Variants in AGMO observed in about 807,000 individuals in gnomAD.
AGMO encodes the protein glyceryl-ether monooxygenase.
Under a neutral mutation model 60.2 loss-of-function variants are expected in AGMO, and 75 were observed. The ratio of observed to expected loss-of-function variants is 1.25; its 90% CI spans 1.03 to 1.51. AGMO has a LOEUF of 1.51. AGMO is among the 40% of genes most tolerant of loss of function. The pLI is 0.00. For synonymous variants in AGMO, 261 were observed against 177.1 expected (o/e 1.47, Z -3.76); for missense variants, 763 against 525.5 (o/e 1.45, Z -4.42).
chr7:15,299,887 A>ACACT (rs1170360550), intron 12 of AGMO, among the ~76,000 whole-genome samples: 42 of 97,370 alleles, frequency 4.3e-4, no homozygotes, highest in African/African-American at 1.4e-3. Context: ...ACACACACAC[A>ACACT]GTATGTTTTG....
chr7:15,150,251 A>G, the AGMO span, among the ~76,000 whole-genome samples: 2 of 152,070 alleles, frequency 1.3e-5, no homozygotes, highest in Non-Finnish European at 2.9e-5. Context: ...ATCTGTGAAG[A>G]GAGATAGTTT....
intron 4 of AGMO, among the ~76,000 whole-genome samples, chr7:15,428,280 T>A (rs1480411347): frequency 6.6e-6 from 1 of 152,110 alleles, no homozygotes; most frequent in Non-Finnish European, 1.5e-5. Flanking sequence ...CCAAGGGACC[T>A]AGAAATGCTA....
At chr7:15,353,614 A>T (rs1782341601) in intron 12 of AGMO, among the ~76,000 whole-genome samples, 1 of 152,188 alleles carries the variant, frequency 6.6e-6, no homozygotes, top group Admixed American at 6.5e-5. Flanking sequence ...TGGACGTGAA[A>T]TTTTTCCGAA....
chr7:15,476,150 G>A lies in AGMO; in HGVS notation c.410-45042C>T, dbSNP rs535778038. ...GAGAATATATTTTGAAGTAGAAATCGAATTTCACTTCAGGAATGGAAGATG... is the reference window on the plus strand; with the variant it reads ...GAGAATATATTTTGAAGTAGAAATCAAATTTCACTTCAGGAATGGAAGATG... On this transcript the variant is annotated intron_variant, in intron 3 of 12. Transcript: ENST00000342526. Among the ~76,000 whole-genome samples, 64 of 152,114 alleles carry A rather than the reference G, an allele frequency of 4.2e-4. 2 individuals are homozygous for A. The South Asian group carries it at 0.013, about 32-fold the overall frequency.
chr7:15,435,875 T>C (rs1013412415), intron 3 of AGMO, among the ~76,000 whole-genome samples: 2 of 152,184 alleles, frequency 1.3e-5, no homozygotes, highest in Non-Finnish European at 2.9e-5. Context: ...TTAAAATATG[T>C]TCTCTCCTAT....
At chr7:15,544,673 T>C in intron 3 of AGMO, 99 bp downstream of exon 3, 4 of 1,014,156 alleles carry the variant, frequency 3.9e-6, no homozygotes, top group Non-Finnish European at 5.3e-6. Flanking sequence ...TACTATTTTA[T>C]TCCTGTATTT....
intron 12 of AGMO, among the ~76,000 whole-genome samples, chr7:15,334,522 TC>T (rs1217575302): frequency 6.6e-6 from 1 of 152,140 alleles, no homozygotes; most frequent in African/African-American, 2.4e-5. Flanking sequence ...GTAGATTATT[TC>T]TTCATCAGAA....
intron 3 of AGMO, among the ~76,000 whole-genome samples, chr7:15,532,868 A>T (rs1435085648): frequency 2.6e-5 from 4 of 152,060 alleles, no homozygotes; most frequent in Non-Finnish European, 5.9e-5. Context: ...GCATGTGCCT[A>T]CAGACACAGC....
chr7:15,515,615 T>A (rs1783788837), intron 3 of AGMO, among the ~76,000 whole-genome samples: 1 of 152,248 alleles, frequency 6.6e-6, no homozygotes. Flanking sequence ...GCAATATCTG[T>A]CTCCAACTAG....
intron 4 of AGMO, among the ~76,000 whole-genome samples, chr7:15,427,473 G>A (rs1203146781): frequency 2.0e-5 from 3 of 152,082 alleles, no homozygotes; most frequent in Non-Finnish European, 4.4e-5. Flanking sequence ...CACTAGTTGG[G>A]ATTTTGTATG....
chr7:15,226,906 T>G (rs1156789543), intron 12 of AGMO, among the ~76,000 whole-genome samples: 1 of 151,982 alleles, frequency 6.6e-6, no homozygotes, highest in East Asian at 1.9e-4. Context: ...AAGAAATGTA[T>G]CTCTCAAAGT....
At chr7:15,282,555 A>T (rs1050148977) in intron 12 of AGMO, among the ~76,000 whole-genome samples, 1 of 152,172 alleles carries the variant, frequency 6.6e-6, no homozygotes, top group Non-Finnish European at 1.5e-5. Context: ...AGAAATGAGC[A>T]ATGTCTCCAA....
At chr7:15,327,987 G>A (rs1456262817) in intron 12 of AGMO, among the ~76,000 whole-genome samples, 1 of 151,894 alleles carries the variant, frequency 6.6e-6, no homozygotes, top group Non-Finnish European at 1.5e-5. Context: ...TGTTGCCTGA[G>A]CTTGTCATGA....
intron 12 of AGMO, among the ~76,000 whole-genome samples, chr7:15,303,514 A>AC (rs977642495): frequency 6.6e-6 from 1 of 152,064 alleles, no homozygotes; most frequent in Non-Finnish European, 1.5e-5. Flanking sequence ...GTCATATCCC[A>AC]CCCAGTGAGA....
At chr7:15,166,077 T>A in the AGMO span, among the ~76,000 whole-genome samples, 3 of 152,328 alleles carry the variant, frequency 2.0e-5, no homozygotes, top group African/African-American at 7.2e-5. Flanking sequence ...AGGCCTTGTA[T>A]ACATTCTTAT....
the AGMO span, among the ~76,000 whole-genome samples, chr7:15,141,653 C>T: frequency 2.0e-5 from 3 of 152,108 alleles, no homozygotes; most frequent in African/African-American, 7.2e-5. Context: ...AGTTTTATTT[C>T]TCTAAGACCA....
chr7:15,505,109 T>A (rs1471572531), intron 3 of AGMO, among the ~76,000 whole-genome samples: 1 of 151,726 alleles, frequency 6.6e-6, no homozygotes, highest in Non-Finnish European at 1.5e-5. Flanking sequence ...TACCTCTGAT[T>A]TTATCCACGT....
At chr7:15,185,309 G>C in the AGMO span, among the ~76,000 whole-genome samples, 1 of 152,160 alleles carries the variant, frequency 6.6e-6, no homozygotes, top group East Asian at 1.9e-4. Context: ...GAGAATCTAA[G>C]GTACTTGTTT....
At position 15,366,153 on chromosome 7, in the gene AGMO, G is replaced by A. The variant is rs1583463216; in HGVS notation, c.1144C>T (p.Leu382Phe). The change falls in exon 11 of 13, where the codon CTT (leucine) becomes TTT (phenylalanine). Residue 382 changes from leucine to phenylalanine, a missense_variant. Leu to Phe is a conservative substitution (Grantham distance 22). Transcript: ENST00000342526. The stretch of plus-strand genomic sequence containing the variant: ...TTCACTTCTTGCCTTTGATCCAGAA[G>A]AAATCCAATGGAAGTCAAGGTCAGG... ...IILTLTSIGF[L>F]LDQRPKAAIM... The A allele has an allele frequency of 6.8e-6, 11 of 1,607,188 alleles. No individual in the cohort carries two copies. Among genetic ancestry groups the A allele is most frequent in the Non-Finnish European group, 9.4e-6 (11 of 1,176,066 alleles).
Sources: gnomAD v4.1 joint callset for allele counts (sites outside exome capture counted in the v4.1 genomes callset) on GRCh38, gnomAD v4.1.1 for gene constraint, MANE v1.5 for transcripts, NCBI Gene and HGNC (gene_info 2026-07-23, HGNC 2026-07-21) for gene names.